TANC1: variants seen among roughly 807,000 people sequenced by gnomAD.
TANC1 encodes the protein tetratricopeptide repeat, ankyrin repeat and coiled-coil containing 1.
TANC1 carries 77 observed loss-of-function variants against 149.7 expected under a neutral mutation model. That is an observed-to-expected ratio of 0.51 (90% CI 0.43 to 0.62). The LOEUF (loss-of-function observed/expected upper bound fraction) is 0.62, where lower values mean the gene tolerates loss of function less well. TANC1 is among the 20% of genes least tolerant of loss of function. TANC1 has a pLI of 0.00. For missense variants in TANC1, 1,985 were observed against 2,321.8 expected, an observed-to-expected ratio of 0.85 and a Z score of 2.98; for synonymous variants, 854 against 925.0, an observed-to-expected ratio of 0.92 and a Z score of 1.39.
At position 159,227,712 on chromosome 2, in the gene TANC1, C is replaced by T. The variant is rs530886217; in HGVS notation, c.3904-107C>T. ...TGTTTGGATGCTTTCAATGTTCTGT[C>T]GTGGGTTTGCAGGGGGGAGTAAACT... is the stretch of plus-strand genomic sequence containing the variant. On this transcript the variant is annotated intron_variant, in intron 24 of 26. Coordinates refer to ENST00000263635, the MANE Select transcript of TANC1 (RefSeq NM_033394.3). 73 of 1,219,006 alleles carry T rather than the reference C, an allele frequency of 6.0e-5. No homozygotes were observed. The African/African-American group carries it at 1.0e-3, about 17-fold the overall frequency. 75.5% of individuals were successfully genotyped at this position (1,219,006 alleles called of 1,614,324 possible).
chr2:159,101,854 G>GTGA (rs1215873631), intron 4 of TANC1, among the ~76,000 whole-genome samples: 1 of 152,162 alleles, frequency 6.6e-6, no homozygotes. Context: ...TTGAAATGCT[G>GTGA]TGATGGAGTA....
At chr2:159,061,065 ATAT>A (rs2042201445) in intron 2 of TANC1, among the ~76,000 whole-genome samples, 1 of 152,220 alleles carries the variant, frequency 6.6e-6, no homozygotes, top group Non-Finnish European at 1.5e-5. Context: ...TAAAAGAAGA[ATAT>A]GTGACATTTG....
At chr2:159,198,898 G>C in intron 18 of TANC1, 77 bp from the exon 19 acceptor site, 1 of 988,380 alleles carries the variant, frequency 1.0e-6, no homozygotes, top group Admixed American at 1.8e-5. Flanking sequence ...ACAACACACT[G>C]TCTCCTTTGA....
intron 1 of TANC1, among the ~76,000 whole-genome samples, chr2:158,979,675 T>A (rs1294656257): frequency 6.6e-6 from 1 of 152,192 alleles, no homozygotes; most frequent in Non-Finnish European, 1.5e-5. Context: ...TTTATTTTCA[T>A]GAGTCTTTGG....
chr2:159,204,474 A>AT (rs1402174366), intron 19 of TANC1, among the ~76,000 whole-genome samples: 1 of 152,236 alleles, frequency 6.6e-6, no homozygotes, highest in Non-Finnish European at 1.5e-5. Flanking sequence ...TGGTGTGGGC[A>AT]TAGCCCCATC....
chr2:158,973,422 C>T lies in TANC1; in HGVS notation c.-126+4640C>T, dbSNP rs574765794. On this transcript the variant is annotated intron_variant, in intron 1 of 26. Transcript: ENST00000263635. The stretch of plus-strand genomic sequence containing the variant: ...CTGTGACCTTTTCATGCATGTATAC[C>T]CATGCAAAAATGGGATCCTCTGTTG... Among the ~76,000 whole-genome samples the T allele has an allele frequency of 9.9e-4, 151 of 152,042 alleles. 1 individual carries two copies. Among genetic ancestry groups the T allele is most frequent in the African/African-American group, 3.0e-3 (123 of 41,446 alleles).
chr2:159,033,623 G>C (rs950011473), intron 2 of TANC1, among the ~76,000 whole-genome samples: 1 of 152,184 alleles, frequency 6.6e-6, no homozygotes, highest in Non-Finnish European at 1.5e-5. Context: ...ACAGCCTGGT[G>C]GTTGTCCCTC....
chr2:159,121,480 C>T (rs1447321781), intron 4 of TANC1, among the ~76,000 whole-genome samples: 9 of 152,144 alleles, frequency 5.9e-5, no homozygotes, highest in Non-Finnish European at 2.9e-5. Context: ...GTTACAGGTG[C>T]CCACCACGAT....
intron 2 of TANC1, among the ~76,000 whole-genome samples, chr2:159,034,647 T>C (rs888091771): frequency 1.3e-5 from 2 of 152,164 alleles, no homozygotes; most frequent in Non-Finnish European, 2.9e-5. Flanking sequence ...GGATGGAAAT[T>C]GGTATGTTTT....
chr2:159,049,158 A>G (rs1464394841), intron 2 of TANC1, among the ~76,000 whole-genome samples: 1 of 152,182 alleles, frequency 6.6e-6, no homozygotes, highest in African/African-American at 2.4e-5. Flanking sequence ...TACATAGATA[A>G]ACTCAATCTA....
At chr2:158,999,743 A>T (rs1036228103) in intron 1 of TANC1, among the ~76,000 whole-genome samples, 1 of 152,184 alleles carries the variant, frequency 6.6e-6, no homozygotes, top group African/African-American at 2.4e-5. Context: ...TGATGAGTCA[A>T]TTGGTGAAAC....
intron 16 of TANC1, among the ~76,000 whole-genome samples, chr2:159,190,443 G>A (rs2057356735): frequency 6.6e-6 from 1 of 152,146 alleles, no homozygotes; most frequent in Admixed American, 6.5e-5. Flanking sequence ...CTGAGGACTG[G>A]TTTCATTGGC....
Position 159,025,909 on chromosome 2 carries a change from C to G in TANC1, c.-16+24720C>G, listed in dbSNP as rs1222454641. On this transcript the variant is annotated intron_variant, in intron 2 of 26. Transcript: ENST00000263635. ...TGGCTTAGGGAACTCCGACCAATTC[C>G]TTTGATTTTGCTTCAGTGTTTTTTG... Among the ~76,000 whole-genome samples the G allele has an allele frequency of 2.6e-5, 4 of 152,190 alleles. No individual in the cohort carries two copies. In the South Asian group the frequency reaches 6.2e-4, roughly 24 times the overall value.
At chr2:159,048,743 T>A (rs2041254943) in intron 2 of TANC1, among the ~76,000 whole-genome samples, 1 of 152,244 alleles carries the variant, frequency 6.6e-6, no homozygotes, top group South Asian at 2.1e-4. Flanking sequence ...GGATATGATC[T>A]ACAAAAATCA....
chr2:159,181,459 G>A (rs1204460589), intron 14 of TANC1, among the ~76,000 whole-genome samples: 4 of 152,052 alleles, frequency 2.6e-5, no homozygotes, highest in Admixed American at 1.3e-4. Context: ...CACCTCATCC[G>A]GCTAACTTTT....
At chr2:159,000,778 C>G (rs556450235) in intron 1 of TANC1, among the ~76,000 whole-genome samples, 1 of 152,066 alleles carries the variant, frequency 6.6e-6, no homozygotes, top group South Asian at 2.1e-4. Context: ...TATGGAAATA[C>G]GGCTTCTGAC....
chr2:159,196,748 C>T lies in TANC1; in HGVS notation c.3120C>T (p.Ala1040=). 6.2e-7 allele frequency: 1 copy of T among 1,613,618 alleles called. No individual in the cohort carries two copies. Residue 1040 remains alanine (A), a synonymous_variant, in exon 18 of 27, where the codon GCC becomes GCT. Coordinates refer to ENST00000263635, the MANE Select transcript of TANC1 (RefSeq NM_033394.3). The part of the protein sequence containing the change: ...PQPGTLRKSH[A]LQQALTAAAS... ...CAGGCACCCTGAGGAAGAGCCACGC[C>T]CTGCAGCAGGCGCTGACCGCGGCGG...
At chr2:159,053,775 G>A (rs992583752) in intron 2 of TANC1, among the ~76,000 whole-genome samples, 7 of 152,176 alleles carry the variant, frequency 4.6e-5, no homozygotes, top group Admixed American at 1.3e-4. Context: ...TGACACAAAG[G>A]TGTCTGTCTC....
Position 159,206,237 on chromosome 2 carries a change from G to C in TANC1, c.3244+7184G>C, listed in dbSNP as rs149256926. ...GGGACAAAGTGGGGTTACCAACATG[G>C]AAGGGGTAACAGGGCTCTGGATGGA... On this transcript the variant is annotated intron_variant, in intron 19 of 26. Coordinates refer to ENST00000263635, the MANE Select transcript of TANC1 (RefSeq NM_033394.3). 4.1e-4 allele frequency among the ~76,000 whole-genome samples: 63 copies of C among 152,344 alleles called. No individual in the cohort carries two copies. The East Asian group carries it at 6.2e-3, about 15-fold the overall frequency.
Sources: allele counts gnomAD v4.1 joint callset (sites outside exome capture counted in the v4.1 genomes callset), GRCh38; gene constraint gnomAD v4.1.1; transcripts MANE v1.5; gene names NCBI Gene and HGNC (gene_info 2026-07-23, HGNC 2026-07-21).